Variants in GALNT17 observed in about 807,000 individuals in gnomAD.
GALNT17 encodes the protein polypeptide N-acetylgalactosaminyltransferase 17.
GALNT17 carries 29 observed loss-of-function variants against 63.7 expected under a neutral mutation model. The ratio of observed to expected loss-of-function variants is 0.46; its 90% CI spans 0.34 to 0.62. The LOEUF (loss-of-function observed/expected upper bound fraction) is 0.62. Among genes scored for constraint, GALNT17 ranks in the 20% least tolerant of loss-of-function variants. The probability of loss-of-function intolerance (pLI) is 0.01; values close to 1 mark genes in which losing one functional copy is unlikely to be tolerated. For synonymous variants in GALNT17, 305 were observed against 318.3 expected (o/e 0.96, Z 0.45); for missense variants, 603 against 799.6 (o/e 0.75, Z 2.97).
At chr7:71,299,154 C>A (rs145453336) in intron 1 of GALNT17, among the ~76,000 whole-genome samples, 1 of 152,112 alleles carries the variant, frequency 6.6e-6, no homozygotes, top group African/African-American at 2.4e-5. Context: ...TCTGAGCCTG[C>A]GGGGAGGCAG....
At chr7:71,483,012 G>A (rs369237113) in intron 5 of GALNT17, among the ~76,000 whole-genome samples, 2 of 152,192 alleles carry the variant, frequency 1.3e-5, no homozygotes, top group East Asian at 3.9e-4. Context: ...CCTGCGGGCC[G>A]CTCACCTCCT....
chr7:71,388,167 T>C lies in GALNT17; in HGVS notation c.423-68T>C, dbSNP rs569070299. Reference sequence around the variant, plus strand: ...AGGATTCGGCTGAAATCTTACACTATGTCCAGCTGCAGTGCCTGAGCTTTT... The same window carrying C: ...AGGATTCGGCTGAAATCTTACACTACGTCCAGCTGCAGTGCCTGAGCTTTT... On this transcript the variant is annotated intron_variant, in intron 2 of 10. Transcript: ENST00000333538. 10 of 1,525,012 alleles carry C rather than the reference T, an allele frequency of 6.6e-6. No individual in the cohort carries two copies. In the South Asian group the frequency reaches 1.2e-4, roughly 18 times the overall value. The allele number at this position is 1,525,012 out of a possible 1,614,324, so 94.5% of individuals were successfully genotyped here. A position where few individuals can be genotyped will look rare whatever the true frequency, so the allele number is the denominator to read the frequency against.
chr7:71,408,952 C>T (rs1314671485), intron 3 of GALNT17, among the ~76,000 whole-genome samples: 3 of 149,088 alleles, frequency 2.0e-5, no homozygotes, highest in Non-Finnish European at 3.0e-5. Flanking sequence ...TATATATATA[C>T]TGTATATGTG....
rs74832706 is a variant in GALNT17, at chr7:71,163,839, C to T, written c.238+30799C>T. ...ATGTAGTGATTGCCATCTGTGGGTC[C>T]GGAATCAATGTAATATTTATGGGAT... On this transcript the variant is annotated intron_variant, in intron 1 of 10. Coordinates refer to ENST00000333538, the MANE Select transcript of GALNT17 (RefSeq NM_022479.3). Among the ~76,000 whole-genome samples, 1,336 of 152,238 alleles carry T rather than the reference C, an allele frequency of 8.8e-3. 9 individuals are homozygous for T. Among genetic ancestry groups the T allele is most frequent in the Non-Finnish European group, 0.014 (973 of 68,016 alleles).
chr7:71,141,920 A>G (rs12669913), intron 1 of GALNT17, among the ~76,000 whole-genome samples: 114,060 of 146,016 alleles, frequency 0.78, 45,048 homozygotes, highest in East Asian at 0.99. Context: ...CACCATATTG[A>G]CCAGCCTGGT....
At position 71,325,220 on chromosome 7, in the gene GALNT17, A is replaced by G. The variant is rs763511222; in HGVS notation, c.239-10330A>G. On this transcript the variant is annotated intron_variant, in intron 1 of 10. Coordinates refer to ENST00000333538, the MANE Select transcript of GALNT17 (RefSeq NM_022479.3). ...AATGGCTGCAATTTGTGCATTGTCTATAAGTTTTATTGACTTCCAGATGAT... is the reference window on the plus strand; with the variant it reads ...AATGGCTGCAATTTGTGCATTGTCTGTAAGTTTTATTGACTTCCAGATGAT... 5.3e-5 allele frequency among the ~76,000 whole-genome samples: 8 copies of G among 152,204 alleles called. 1 individual carries two copies. Among genetic ancestry groups the G allele is most frequent in the South Asian group, 4.1e-4 (2 of 4,830 alleles).
intron 6 of GALNT17, among the ~76,000 whole-genome samples, chr7:71,625,931 A>G (rs1442137554): frequency 2.0e-5 from 3 of 152,132 alleles, no homozygotes; most frequent in Non-Finnish European, 4.4e-5. Context: ...CTGATCCAAT[A>G]TGACTGGTGT....
At chr7:71,289,854 G>C (rs896035983) in intron 1 of GALNT17, among the ~76,000 whole-genome samples, 3 of 151,060 alleles carry the variant, frequency 2.0e-5, no homozygotes, top group African/African-American at 7.3e-5. Flanking sequence ...ATTCCAGCCT[G>C]GGCAACAAGA....
chr7:71,695,790 C>T (rs1278786767), intron 9 of GALNT17, among the ~76,000 whole-genome samples: 2 of 152,326 alleles, frequency 1.3e-5, no homozygotes, highest in Non-Finnish European at 1.5e-5. Context: ...TAGATGTCTA[C>T]AGGCCCCTGG....
intron 4 of GALNT17, among the ~76,000 whole-genome samples, chr7:71,420,176 G>T (rs971977141): frequency 2.0e-5 from 3 of 152,246 alleles, no homozygotes; most frequent in South Asian, 4.1e-4. Flanking sequence ...CTGGCCATCT[G>T]CTGTCTCCTA....
intron 1 of GALNT17, among the ~76,000 whole-genome samples, chr7:71,148,535 G>A (rs2116203863): frequency 6.6e-6 from 1 of 152,272 alleles, no homozygotes; most frequent in Non-Finnish European, 1.5e-5. Flanking sequence ...AACAGCATTT[G>A]CATTGTGAAT....
At chr7:71,411,755 C>G (rs1793433954) in intron 3 of GALNT17, among the ~76,000 whole-genome samples, 1 of 152,112 alleles carries the variant, frequency 6.6e-6, no homozygotes. Flanking sequence ...TATCAGGGGC[C>G]TTCTGTTTGT....
intron 1 of GALNT17, among the ~76,000 whole-genome samples, chr7:71,246,913 A>G (rs1462681738): frequency 7.1e-6 from 1 of 141,500 alleles, no homozygotes; most frequent in Non-Finnish European, 1.5e-5. Flanking sequence ...TATAAGCATA[A>G]TGTAAATACT....
chr7:71,323,242 T>C (rs1166792323), intron 1 of GALNT17, among the ~76,000 whole-genome samples: 1 of 152,150 alleles, frequency 6.6e-6, no homozygotes. Context: ...TTTTATTTAT[T>C]TGAACTATAA....
At chr7:71,430,526 G>C (rs933119909) in intron 5 of GALNT17, among the ~76,000 whole-genome samples, 2 of 152,200 alleles carry the variant, frequency 1.3e-5, no homozygotes, top group African/African-American at 2.4e-5. Flanking sequence ...GGCATCTTCT[G>C]TGAGGTGACA....
At chr7:71,701,936 T>G (rs1334381892) in intron 9 of GALNT17, among the ~76,000 whole-genome samples, 3 of 145,664 alleles carry the variant, frequency 2.1e-5, no homozygotes, top group African/African-American at 7.6e-5. Context: ...TATATATACA[T>G]GTCATGGAAC....
chr7:71,583,798 A>G (rs1037047697), intron 6 of GALNT17, among the ~76,000 whole-genome samples: 1 of 151,818 alleles, frequency 6.6e-6, no homozygotes, highest in Non-Finnish European at 1.5e-5. Context: ...GACCTTCCAA[A>G]CGATGTCCAG....
At chr7:71,433,381 G>A (rs1003878460) in intron 5 of GALNT17, among the ~76,000 whole-genome samples, 1 of 152,200 alleles carries the variant, frequency 6.6e-6, no homozygotes, top group African/African-American at 2.4e-5. Flanking sequence ...ATAGAGGAGT[G>A]ACTGATAATG....
At chr7:71,584,335 C>T (rs369314389) in intron 6 of GALNT17, among the ~76,000 whole-genome samples, 1 of 152,258 alleles carries the variant, frequency 6.6e-6, no homozygotes, top group South Asian at 2.1e-4. Flanking sequence ...TTTAATTCAA[C>T]ATTTTTGATG....
Sources: gnomAD v4.1 joint callset for allele counts (sites outside exome capture counted in the v4.1 genomes callset) on GRCh38, gnomAD v4.1.1 for gene constraint, MANE v1.5 for transcripts, NCBI Gene and HGNC (gene_info 2026-07-23, HGNC 2026-07-21) for gene names.